WRN: variants seen among roughly 807,000 people sequenced by gnomAD.
WRN encodes bifunctional 3'-5' exonuclease/ATP-dependent helicase WRN.
A neutral mutation model predicts 180.7 loss-of-function variants in WRN; 149 were observed. The observed-to-expected ratio is 0.82, with a 90% CI of 0.72 to 0.94. The LOEUF (loss-of-function observed/expected upper bound fraction) is 0.94. Ranked by LOEUF, WRN falls within the 40% of genes least tolerant of loss-of-function variation. WRN has a pLI of 0.00. For synonymous variants in WRN, 548 were observed against 568.9 expected, an observed-to-expected ratio of 0.96 and a Z score of 0.52; for missense variants, 1,661 against 1,700.1, an observed-to-expected ratio of 0.98 and a Z score of 0.40.
At position 31,112,753 on chromosome 8, in the gene WRN, A is replaced by G. The variant is rs144560841; in HGVS notation, c.2273+954A>G. Among the ~76,000 whole-genome samples, 354 of 152,074 alleles carry G rather than the reference A, an allele frequency of 2.3e-3. 2 individuals carry two copies. Among genetic ancestry groups the G allele is most frequent in the South Asian group, 4.8e-3 (23 of 4,812 alleles). On this transcript the variant is annotated intron_variant, in intron 19 of 34. Coordinates refer to ENST00000298139, the MANE Select transcript of WRN (RefSeq NM_000553.6). ...AGGTGTGCGCCACCATGCCAGGCTA[A>G]TTTTTGTATTTTTTAGTGGAGACGG...
chr8:31,104,774 C>T (rs1477614744), intron 18 of WRN, among the ~76,000 whole-genome samples: 4 of 152,282 alleles, frequency 2.6e-5, no homozygotes, highest in South Asian at 4.1e-4. Flanking sequence ...TGTTAAATTG[C>T]GTTTGCCCCT....
At chr8:31,041,268 C>A (rs756037884) in intron 1 of WRN, among the ~76,000 whole-genome samples, 6 of 152,146 alleles carry the variant, frequency 3.9e-5, no homozygotes, top group Non-Finnish European at 7.3e-5. Context: ...AGTCTGAGTC[C>A]AAGTCTGAAG....
chr8:31,065,636 A>G (rs1812668064), intron 5 of WRN, among the ~76,000 whole-genome samples: 1 of 152,004 alleles, frequency 6.6e-6, no homozygotes, highest in Non-Finnish European at 1.5e-5. Context: ...AATGCAGTCT[A>G]TCATTGATGG....
intron 3 of WRN, among the ~76,000 whole-genome samples, chr8:31,062,259 T>C (rs2130021380): frequency 6.6e-6 from 1 of 152,322 alleles, no homozygotes; most frequent in Middle Eastern, 3.4e-3. Context: ...TTATATCATG[T>C]TGGCCTGAAG....
At chr8:31,093,401 C>A (rs1359828404) in intron 16 of WRN, among the ~76,000 whole-genome samples, 4 of 152,028 alleles carry the variant, frequency 2.6e-5, no homozygotes, top group Non-Finnish European at 5.9e-5. Flanking sequence ...GCACCTGATG[C>A]AGTTGTTGTT....
At chr8:31,129,954 G>A (rs1324785292) in intron 23 of WRN, among the ~76,000 whole-genome samples, 5 of 144,774 alleles carry the variant, frequency 3.5e-5, no homozygotes, top group African/African-American at 5.1e-5. Flanking sequence ...GCCGTGAGCC[G>A]AGATTGGGCC....
At chr8:31,052,386 A>G (rs540544329) in intron 1 of WRN, among the ~76,000 whole-genome samples, 1 of 152,232 alleles carries the variant, frequency 6.6e-6, no homozygotes, top group South Asian at 2.1e-4. Context: ...ATTTTATACA[A>G]TTAGAGTCTA....
chr8:31,070,248 C>G (rs897319969), intron 7 of WRN, among the ~76,000 whole-genome samples: 2 of 151,740 alleles, frequency 1.3e-5, no homozygotes, highest in African/African-American at 4.8e-5. Context: ...TTCTGTTATT[C>G]AGCCAGAAGT....
chr8:31,089,389 T>G (rs767326979), intron 13 of WRN, among the ~76,000 whole-genome samples: 1 of 152,008 alleles, frequency 6.6e-6, no homozygotes, highest in African/African-American at 2.4e-5. Context: ...TACTCAAAAT[T>G]TGTTTACATC....
chr8:31,085,395 T>A lies in WRN; in HGVS notation c.1431+149T>A, dbSNP rs146967731. The A allele has an allele frequency of 8.8e-4, 775 of 879,734 alleles. 3 individuals are homozygous for A. In the African/African-American group the frequency reaches 0.011, roughly 13 times the overall value. 54.5% of individuals were successfully genotyped at this position (879,734 alleles called of 1,614,324 possible). ...TAGATTTCACATTTTCCAATTCATGTTTCTTTTATGTAGTCTATGAATAAT... is the reference window on the plus strand; with the variant it reads ...TAGATTTCACATTTTCCAATTCATGATTCTTTTATGTAGTCTATGAATAAT... On this transcript the variant is annotated intron_variant, in intron 11 of 34. Coordinates refer to ENST00000298139, the MANE Select transcript of WRN (RefSeq NM_000553.6).
chr8:31,160,679 A>G lies in WRN; in HGVS notation c.3982+3149A>G, dbSNP rs185701607. Among the ~76,000 whole-genome samples the G allele has an allele frequency of 7.9e-4, 121 of 152,284 alleles. 2 individuals carry two copies. Among genetic ancestry groups the G allele is most frequent in the African/African-American group, 2.9e-3 (120 of 41,570 alleles). ...TCGATGAGACATTGAGTAATAGGCAATATTCTCTGAAATAATTTGTGCAGG... is the reference window on the plus strand; with the variant it reads ...TCGATGAGACATTGAGTAATAGGCAGTATTCTCTGAAATAATTTGTGCAGG... On this transcript the variant is annotated intron_variant, in intron 33 of 34. Coordinates refer to ENST00000298139, the MANE Select transcript of WRN (RefSeq NM_000553.6).
chr8:31,037,611 A>G (rs1192859839), intron 1 of WRN, among the ~76,000 whole-genome samples: 6 of 152,174 alleles, frequency 3.9e-5, no homozygotes, highest in Non-Finnish European at 8.8e-5. Context: ...GCATATGGTT[A>G]TCAGTTTTCC....
chr8:31,045,365 C>G (rs1319952006), intron 1 of WRN, among the ~76,000 whole-genome samples: 1 of 151,626 alleles, frequency 6.6e-6, no homozygotes, highest in South Asian at 2.1e-4. Flanking sequence ...CATGCTATGT[C>G]TGATCTGTTT....
chr8:31,147,168 T>C (rs527437222), intron 29 of WRN, 40 bp downstream of exon 29: 3 of 1,588,978 alleles, frequency 1.9e-6, no homozygotes, highest in South Asian at 1.1e-5. Flanking sequence ...TATGATAGGA[T>C]AGTTATGATT....
At chr8:31,037,045 G>T (rs1811476103) in intron 1 of WRN, among the ~76,000 whole-genome samples, 3 of 152,134 alleles carry the variant, frequency 2.0e-5, no homozygotes, top group African/African-American at 7.2e-5. Context: ...TACATTTATT[G>T]TGCACTTTGT....
At chr8:31,120,553 AAAAG>A in intron 21 of WRN, 129 bp downstream of exon 21, 2 of 999,712 alleles carry the variant, frequency 2.0e-6, no homozygotes, top group African/African-American at 1.6e-5. Flanking sequence ...AAAAAAAAAA[AAAAG>A]AAAAATAAAA....
chr8:31,057,607 C>A (rs968182791), intron 1 of WRN, among the ~76,000 whole-genome samples: 1 of 152,030 alleles, frequency 6.6e-6, no homozygotes, highest in Non-Finnish European at 1.5e-5. Flanking sequence ...CTGCTACCTC[C>A]TTATTACAAA....
intron 23 of WRN, among the ~76,000 whole-genome samples, chr8:31,125,590 A>AAT (rs2130348292): frequency 7.7e-6 from 1 of 129,606 alleles, no homozygotes; most frequent in South Asian, 2.5e-4. Context: ...AGGAAGAACA[A>AAT]ATATGGGGAG....
intron 29 of WRN, 42 bp downstream of exon 29, chr8:31,147,170 G>A: frequency 1.3e-6 from 2 of 1,578,014 alleles, no homozygotes; most frequent in Non-Finnish European, 1.7e-6. Flanking sequence ...TGATAGGATA[G>A]TTATGATTCT....
Sources: allele counts gnomAD v4.1 joint callset (sites outside exome capture counted in the v4.1 genomes callset), GRCh38; gene constraint gnomAD v4.1.1; transcripts MANE v1.5; gene names NCBI Gene and HGNC (gene_info 2026-07-23, HGNC 2026-07-21).